The following RNF17 variants were observed in gnomAD, a reference collection of about 807,000 sequenced individuals.
The protein encoded by RNF17 is ring finger protein 17.
RNF17 carries 31 observed loss-of-function variants against 200.5 expected under a neutral mutation model. The observed-to-expected ratio is 0.15, with a 90% CI of 0.12 to 0.21. RNF17 has a LOEUF of 0.21. Among genes scored for constraint, RNF17 ranks in the 10% least tolerant of loss-of-function variants. The pLI is 1.00. For missense variants in RNF17, 1,628 were observed against 1,905.1 expected (o/e 0.85, Z 2.71); for synonymous variants, 606 against 637.8 (o/e 0.95, Z 0.75).
At chr13:24,800,302 T>TG in intron 12 of RNF17, 64 bp from the exon 13 acceptor site, 1 of 1,162,456 alleles carries the variant, frequency 8.6e-7, no homozygotes. Context: ...ATACCTTCTG[T>TG]GGGGGAAAAC....
chr13:24,841,051 T>C (rs916596719), intron 18 of RNF17, among the ~76,000 whole-genome samples: 1 of 152,204 alleles, frequency 6.6e-6, no homozygotes, highest in African/African-American at 2.4e-5. Context: ...GTGCATTTTT[T>C]AGAGATGTTT....
At chr13:24,870,813 T>C in intron 32 of RNF17, 74 bp downstream of exon 32, 1 of 1,227,958 alleles carries the variant, frequency 8.1e-7, no homozygotes, top group South Asian at 1.4e-5. Flanking sequence ...CTGATGACCT[T>C]GGGCTATCTC....
intron 25 of RNF17, among the ~76,000 whole-genome samples, chr13:24,854,722 C>T (rs987920028): frequency 1.3e-5 from 2 of 151,878 alleles, no homozygotes; most frequent in Non-Finnish European, 2.9e-5. Flanking sequence ...AGATGGGATC[C>T]CAAAGGATGA....
chr13:24,811,869 CCTCAGCTGCA>C (rs1886675675), intron 15 of RNF17, among the ~76,000 whole-genome samples: 1 of 151,982 alleles, frequency 6.6e-6, no homozygotes, highest in Non-Finnish European at 1.5e-5. Flanking sequence ...CAGACAGGAC[CCTCAGCTGCA>C]GGTCTGTTGG....
chr13:24,867,082 A>G (rs1325203261), intron 30 of RNF17, among the ~76,000 whole-genome samples: 1 of 152,206 alleles, frequency 6.6e-6, no homozygotes, highest in African/African-American at 2.4e-5. Context: ...AATCCCTTCA[A>G]ATCTATTTGA....
rs758603128 is a variant in RNF17, at chr13:24,774,824, T to C, written c.237T>C (p.Ala79=). Residue 79 remains alanine, a synonymous_variant, in exon 3 of 36, where the codon GCT becomes GCC. Transcript: ENST00000255324. ...IICPDCEVAT[A]VNTRQRYYPM... Reference sequence around the variant, plus strand: ...TATTTTGTCCTAAGGTTGCTACAGCTGTAAATACTAGACAACGCTACTACC... The same window carrying C: ...TATTTTGTCCTAAGGTTGCTACAGCCGTAAATACTAGACAACGCTACTACC... 2 of 1,609,052 alleles carry C rather than the reference T, an allele frequency of 1.2e-6. No individual in the cohort carries two copies. Among genetic ancestry groups the C allele is most frequent in the Non-Finnish European group, 1.7e-6 (2 of 1,176,624 alleles).
chr13:24,749,307 C>CTTTCTTTCTTTTTTTT, the RNF17 span, among the ~76,000 whole-genome samples: 7 of 108,020 alleles, frequency 6.5e-5, 1 homozygote, highest in East Asian at 9.9e-4. Context: ...TTCTTTCTTT[C>CTTTCTTTCTTTTTTTT]TTTTTTTTTT....
intron 22 of RNF17, among the ~76,000 whole-genome samples, chr13:24,849,722 A>G (rs908928393): frequency 1.3e-5 from 2 of 152,248 alleles, no homozygotes; most frequent in African/African-American, 4.8e-5. Flanking sequence ...AATTTTAGTC[A>G]TTTAAAACTG....
chr13:24,775,261 T>G (rs1348363048), intron 3 of RNF17, among the ~76,000 whole-genome samples: 1 of 152,198 alleles, frequency 6.6e-6, no homozygotes, highest in Non-Finnish European at 1.5e-5. Flanking sequence ...ATTCTAAGTT[T>G]TTTTAAAGAC....
rs1473580002 is a variant in RNF17, at chr13:24,865,113, G to C, written c.4101+115G>C. Reference sequence around the variant, plus strand: ...ATTCTACATATCTGATCTATTAAGAGAGTCTAGAGGACTTACACATTTTTG... The same window carrying C: ...ATTCTACATATCTGATCTATTAAGACAGTCTAGAGGACTTACACATTTTTG... On this transcript the variant is annotated intron_variant, in intron 29 of 35. Coordinates refer to ENST00000255324, the MANE Select transcript of RNF17 (RefSeq NM_031277.3). 1.2e-5 allele frequency: 9 copies of C among 732,224 alleles called. No individual in the cohort carries two copies. The Admixed American group carries it at 1.2e-4, about 10-fold the overall frequency. 45.4% of individuals were successfully genotyped at this position (732,224 alleles called of 1,614,324 possible).
At chr13:24,788,832 G>T (rs757111314) in intron 7 of RNF17, among the ~76,000 whole-genome samples, 8 of 152,078 alleles carry the variant, frequency 5.3e-5, no homozygotes, top group Middle Eastern at 3.2e-3. Context: ...CTCACTTCCC[G>T]TGGATAATCA....
At chr13:24,836,882 T>A (rs1890052691) in intron 18 of RNF17, among the ~76,000 whole-genome samples, 1 of 152,142 alleles carries the variant, frequency 6.6e-6, no homozygotes, top group Non-Finnish European at 1.5e-5. Flanking sequence ...GTTTCAATAT[T>A]AACATTGAAT....
Position 24,854,049 on chromosome 13 carries a change from A to G in RNF17, c.3515A>G (p.Tyr1172Cys), listed in dbSNP as rs368362526. Residue 1172 changes from tyrosine (Y) to cysteine (C), a missense_variant, in exon 25 of 36, where the codon TAT (tyrosine) becomes TGT (cysteine). Tyr to Cys is a radical substitution (Grantham distance 194). Transcript: ENST00000255324. ...CTAGAACCAAGAACCACTAGAGGGT[A>G]TAAGCCACCAGCTATTCCTAACATG... ...KILEPRTTRG[Y>C]KPPAIPNMNV... 6.2e-6 allele frequency: 10 copies of G among 1,613,860 alleles called. No homozygotes were observed. The highest frequency in any genetic ancestry group is 8.5e-6 in the Non-Finnish European group (10 of 1,179,856).
At chr13:24,870,425 TG>T (rs1413893785) in intron 31 of RNF17, 145 bp from the exon 32 acceptor site, 2 of 606,912 alleles carry the variant, frequency 3.3e-6, no homozygotes, top group Non-Finnish European at 5.8e-6. Flanking sequence ...TGGTAGGATG[TG>T]GGAAGGAATA....
chr13:24,825,888 G>A (rs1888572484), intron 16 of RNF17, 116 bp downstream of exon 16: 3 of 1,404,846 alleles, frequency 2.1e-6, no homozygotes, highest in Non-Finnish European at 2.8e-6. Context: ...CATTTGCTCT[G>A]CCATCTGTCT....
intron 11 of RNF17, among the ~76,000 whole-genome samples, chr13:24,798,038 G>A (rs866323684): frequency 6.6e-6 from 1 of 152,018 alleles, no homozygotes; most frequent in Non-Finnish European, 1.5e-5. Context: ...AATTCTTTGA[G>A]TTAACCCACT....
intron 22 of RNF17, among the ~76,000 whole-genome samples, chr13:24,845,517 C>A (rs1434460911): frequency 6.6e-6 from 1 of 152,162 alleles, no homozygotes; most frequent in African/African-American, 2.4e-5. Context: ...ACAACAAAAT[C>A]AGATGACAAG....
chr13:24,794,753 T>TA (rs1884340689), intron 10 of RNF17, among the ~76,000 whole-genome samples: 1 of 152,198 alleles, frequency 6.6e-6, no homozygotes, highest in South Asian at 2.1e-4. Context: ...GACAGAGTCT[T>TA]ACTGTGTTGC....
intron 15 of RNF17, among the ~76,000 whole-genome samples, chr13:24,808,409 G>A (rs983514897): frequency 6.9e-6 from 1 of 144,724 alleles, no homozygotes; most frequent in Non-Finnish European, 1.5e-5. Context: ...TGAAGCAATT[G>A]TGAATGGGAG....
Sources: allele counts gnomAD v4.1 joint callset (sites outside exome capture counted in the v4.1 genomes callset), GRCh38; gene constraint gnomAD v4.1.1; transcripts MANE v1.5; gene names NCBI Gene and HGNC (gene_info 2026-07-23, HGNC 2026-07-21).